SLC24A3: variants seen among roughly 807,000 people sequenced by gnomAD.
The protein encoded by SLC24A3 is sodium/potassium/calcium exchanger 3.
Under a neutral mutation model 75.8 loss-of-function variants are expected in SLC24A3, and 28 were observed. The ratio of observed to expected loss-of-function variants is 0.37; its 90% CI spans 0.27 to 0.51. SLC24A3 has a LOEUF of 0.51. Ranked by LOEUF, SLC24A3 falls within the 20% of genes least tolerant of loss-of-function variation. SLC24A3 has a pLI of 0.94. For synonymous variants in SLC24A3, 372 were observed against 334.1 expected (o/e 1.11, Z -1.24); for missense variants, 663 against 847.8 (o/e 0.78, Z 2.71).
At chr20:19,693,648 G>C in intron 13 of SLC24A3, 1 of 515,300 alleles carries the variant, frequency 1.9e-6, no homozygotes, top group Non-Finnish European at 3.3e-6. Flanking sequence ...GCTGGGACCT[G>C]CTATGCAGCT....
At chr20:19,356,996 C>A (rs1985698401) in intron 2 of SLC24A3, among the ~76,000 whole-genome samples, 1 of 152,094 alleles carries the variant, frequency 6.6e-6, no homozygotes. Context: ...ATCCCTGGAA[C>A]CTGTGAATAT....
intron 6 of SLC24A3, among the ~76,000 whole-genome samples, chr20:19,625,042 G>A (rs1298569163): frequency 4.6e-5 from 7 of 152,158 alleles, no homozygotes; most frequent in Non-Finnish European, 1.0e-4. Context: ...TCTCCAGCAG[G>A]CTATCCCAGG....
chr20:19,504,118 A>G (rs1568636881), intron 2 of SLC24A3, among the ~76,000 whole-genome samples: 1 of 152,238 alleles, frequency 6.6e-6, no homozygotes, highest in Non-Finnish European at 1.5e-5. Context: ...CTATCAGTCA[A>G]TCATTAGCAG....
intron 2 of SLC24A3, among the ~76,000 whole-genome samples, chr20:19,511,605 G>C (rs921501234): frequency 2.0e-5 from 3 of 152,172 alleles, no homozygotes; most frequent in Non-Finnish European, 4.4e-5. Flanking sequence ...GGGATTACAG[G>C]CGTGAGCCAC....
At chr20:19,367,061 A>G (rs1184202305) in intron 2 of SLC24A3, among the ~76,000 whole-genome samples, 1 of 152,228 alleles carries the variant, frequency 6.6e-6, no homozygotes, top group East Asian at 1.9e-4. Flanking sequence ...CCACTTGCCA[A>G]TGTGTGTACT....
intron 2 of SLC24A3, among the ~76,000 whole-genome samples, chr20:19,303,919 T>A (rs1001912423): frequency 1.3e-5 from 2 of 152,134 alleles, no homozygotes; most frequent in Admixed American, 1.3e-4. Context: ...TTCTGAGCAA[T>A]AGACAGGTCA....
At chr20:19,291,816 T>G (rs1390765035) in intron 2 of SLC24A3, among the ~76,000 whole-genome samples, 1 of 151,870 alleles carries the variant, frequency 6.6e-6, no homozygotes, top group East Asian at 1.9e-4. Flanking sequence ...TCAGGGACAC[T>G]GATATGAAAA....
chr20:19,500,358 G>C (rs1988366680), intron 2 of SLC24A3, among the ~76,000 whole-genome samples: 1 of 152,264 alleles, frequency 6.6e-6, no homozygotes, highest in African/African-American at 2.4e-5. Flanking sequence ...GGGATTTGCT[G>C]CTTCTATCTT....
intron 6 of SLC24A3, among the ~76,000 whole-genome samples, chr20:19,607,570 T>A (rs1333818387): frequency 6.6e-6 from 1 of 152,246 alleles, no homozygotes; most frequent in African/African-American, 2.4e-5. Context: ...GGTGCACCTT[T>A]GTGGTTTCTG....
At chr20:19,256,323 C>T (rs972856215) in intron 1 of SLC24A3, among the ~76,000 whole-genome samples, 2 of 152,100 alleles carry the variant, frequency 1.3e-5, no homozygotes, top group Non-Finnish European at 2.9e-5. Flanking sequence ...TTGCCTGGGG[C>T]TGGTCAAGAG....
chr20:19,424,565 C>T (rs1468032393), intron 2 of SLC24A3, among the ~76,000 whole-genome samples: 1 of 151,838 alleles, frequency 6.6e-6, no homozygotes, highest in Non-Finnish European at 1.5e-5. Flanking sequence ...GTGGTGTGTG[C>T]CTGTAATCCC....
At chr20:19,267,860 A>G (rs894365050) in intron 1 of SLC24A3, among the ~76,000 whole-genome samples, 4 of 152,198 alleles carry the variant, frequency 2.6e-5, no homozygotes, top group Admixed American at 2.0e-4. Flanking sequence ...CGCTAGGTGC[A>G]CACTTAGCTG....
chr20:19,224,261 A>T (rs905059037), intron 1 of SLC24A3, among the ~76,000 whole-genome samples: 4 of 152,190 alleles, frequency 2.6e-5, no homozygotes, highest in Non-Finnish European at 5.9e-5. Flanking sequence ...CTGCACACCC[A>T]TGTGTCTTTT....
At chr20:19,666,097 GT>G (rs1174308294) in intron 8 of SLC24A3, among the ~76,000 whole-genome samples, 1 of 152,066 alleles carries the variant, frequency 6.6e-6, no homozygotes, top group African/African-American at 2.4e-5. Context: ...GGCTAGAGTG[GT>G]GGGGTTCTAT....
chr20:19,380,717 A>C (rs1353444863), intron 2 of SLC24A3, among the ~76,000 whole-genome samples: 1 of 152,136 alleles, frequency 6.6e-6, no homozygotes, highest in Non-Finnish European at 1.5e-5. Flanking sequence ...ATCTGGAGTG[A>C]GAGGGGGTAC....
intron 1 of SLC24A3, among the ~76,000 whole-genome samples, chr20:19,244,723 G>C (rs927821631): frequency 6.6e-6 from 1 of 152,198 alleles, no homozygotes; most frequent in African/African-American, 2.4e-5. Context: ...AAAGGTCATT[G>C]TGACTGCTTT....
At chr20:19,559,325 GT>G (rs2030836934) in intron 3 of SLC24A3, among the ~76,000 whole-genome samples, 1 of 151,988 alleles carries the variant, frequency 6.6e-6, no homozygotes, top group Non-Finnish European at 1.5e-5. Flanking sequence ...TTGTTTTTGT[GT>G]TGTACGTATT....
intron 16 of SLC24A3, among the ~76,000 whole-genome samples, chr20:19,719,500 G>A (rs2033078990): frequency 6.6e-6 from 1 of 151,980 alleles, no homozygotes; most frequent in Non-Finnish European, 1.5e-5. Context: ...AAGGCAGGGA[G>A]GTGGGGTTGG....
intron 2 of SLC24A3, among the ~76,000 whole-genome samples, chr20:19,513,763 A>G (rs2029930977): frequency 1.3e-5 from 2 of 148,196 alleles, no homozygotes; most frequent in Admixed American, 6.8e-5. Flanking sequence ...CCTTTTTGAG[A>G]TATTATTGAC....
Sources: allele counts gnomAD v4.1 joint callset (sites outside exome capture counted in the v4.1 genomes callset), GRCh38; gene constraint gnomAD v4.1.1; transcripts MANE v1.5; gene names NCBI Gene and HGNC (gene_info 2026-07-23, HGNC 2026-07-21).